The following ZNF385D variants were observed in gnomAD, a reference collection of about 807,000 sequenced individuals.
ZNF385D encodes zinc finger protein 659.
A neutral mutation model predicts 35.8 loss-of-function variants in ZNF385D; 15 were observed. The ratio of observed to expected loss-of-function variants is 0.42; its 90% CI spans 0.28 to 0.64. The LOEUF (loss-of-function observed/expected upper bound fraction) is 0.64, where lower values mean the gene tolerates loss of function less well. ZNF385D is among the 30% of genes least tolerant of loss of function. ZNF385D has a pLI of 0.23. For synonymous variants in ZNF385D, 212 were observed against 186.8 expected (o/e 1.13, Z -1.10); for missense variants, 474 against 494.6 (o/e 0.96, Z 0.39).
chr3:22,237,757 C>T (rs1459414532), intron 2 of ZNF385D, among the ~76,000 whole-genome samples: 1 of 152,140 alleles, frequency 6.6e-6, no homozygotes. Flanking sequence ...GATTCTCCTG[C>T]CTCAGCCTCC....
At chr3:22,262,504 A>G (rs1230296630) in intron 2 of ZNF385D, among the ~76,000 whole-genome samples, 3 of 151,984 alleles carry the variant, frequency 2.0e-5, no homozygotes, top group Non-Finnish European at 1.5e-5. Flanking sequence ...TGCCTTAGGG[A>G]CATGTATTTT....
At chr3:22,192,462 T>C (rs912344698) in intron 2 of ZNF385D, among the ~76,000 whole-genome samples, 4 of 152,038 alleles carry the variant, frequency 2.6e-5, no homozygotes, top group Non-Finnish European at 5.9e-5. Flanking sequence ...ATTGCAAAAA[T>C]GATGGTGTGT....
intron 3 of ZNF385D, among the ~76,000 whole-genome samples, chr3:21,931,575 A>AT (rs1701009060): frequency 6.6e-6 from 1 of 152,200 alleles, no homozygotes; most frequent in Non-Finnish European, 1.5e-5. Context: ...AGAGTGGAAC[A>AT]TGTCTCAGCA....
At chr3:21,682,529 T>G (rs931177441) in intron 1 of ZNF385D, among the ~76,000 whole-genome samples, 2 of 150,284 alleles carry the variant, frequency 1.3e-5, no homozygotes, top group Non-Finnish European at 3.0e-5. Flanking sequence ...TGCAGTCATG[T>G]CTGGAAGAAA....
At chr3:22,167,931 T>C (rs1305578915) in intron 3 of ZNF385D, among the ~76,000 whole-genome samples, 1 of 152,190 alleles carries the variant, frequency 6.6e-6, no homozygotes, top group Non-Finnish European at 1.5e-5. Flanking sequence ...CATAAAGCAA[T>C]GCAGAAGCAA....
At chr3:21,651,616 T>C (rs914955886) in intron 2 of ZNF385D, among the ~76,000 whole-genome samples, 5 of 151,944 alleles carry the variant, frequency 3.3e-5, no homozygotes, top group Non-Finnish European at 7.4e-5. Context: ...GCCATTTATA[T>C]AGCAAGTTAA....
intron 3 of ZNF385D, among the ~76,000 whole-genome samples, chr3:22,119,979 ATTTT>A (rs940657640): frequency 1.5e-5 from 2 of 137,580 alleles, no homozygotes; most frequent in African/African-American, 5.5e-5. Flanking sequence ...AACATACTCA[ATTTT>A]TTTTCTTTTT....
intron 3 of ZNF385D, among the ~76,000 whole-genome samples, chr3:22,088,157 A>T (rs2125596057): frequency 6.6e-6 from 1 of 152,326 alleles, no homozygotes; most frequent in Non-Finnish European, 1.5e-5. Context: ...ATTTTCTCTG[A>T]AGCAGGAGAG....
intron 3 of ZNF385D, among the ~76,000 whole-genome samples, chr3:21,840,216 T>G (rs1388830930): frequency 3.3e-5 from 5 of 152,020 alleles, no homozygotes; most frequent in African/African-American, 7.2e-5. Context: ...AAGTAGTATG[T>G]AAGTATTACA....
At chr3:22,093,221 T>C (rs1701422449) in intron 3 of ZNF385D, among the ~76,000 whole-genome samples, 1 of 152,176 alleles carries the variant, frequency 6.6e-6, no homozygotes, top group South Asian at 2.1e-4. Context: ...CTGACTTTAC[T>C]ATTTTTATAG....
chr3:21,528,553 A>G (rs986447829), intron 3 of ZNF385D, among the ~76,000 whole-genome samples: 1 of 152,306 alleles, frequency 6.6e-6, no homozygotes, highest in South Asian at 2.1e-4. Flanking sequence ...ATATTAAAAC[A>G]ATATGATGGA....
chr3:21,923,694 A>G (rs368757027), intron 3 of ZNF385D, among the ~76,000 whole-genome samples: 1 of 152,158 alleles, frequency 6.6e-6, no homozygotes, highest in Non-Finnish European at 1.5e-5. Context: ...GAACAAAATT[A>G]TGTTCTTTGC....
chr3:21,980,725 A>T (rs1004764715), intron 3 of ZNF385D, among the ~76,000 whole-genome samples: 9 of 151,976 alleles, frequency 5.9e-5, no homozygotes, highest in Non-Finnish European at 1.2e-4. Flanking sequence ...CTTTCTTCCA[A>T]CCTCAACCAG....
rs1183504610 is a variant in ZNF385D at position 21,420,928 on chromosome 3, C to T, written c.*286G>A. 3 of 352,694 alleles carry T rather than the reference C, an allele frequency of 8.5e-6. No homozygotes were observed. The highest frequency in any genetic ancestry group is 4.1e-5 in the African/African-American group (2 of 48,774). 21.8% of individuals were successfully genotyped at this position (352,694 alleles called of 1,614,324 possible). A position where few individuals can be genotyped will look rare whatever the true frequency, so the allele number is the denominator to read the frequency against. ...GGAAATAGGTGCCCAAAAGCACAGT[C>T]ACAGAGGCTTCAGAAGGTCTAGATA... On this transcript the variant is annotated 3_prime_UTR_variant, in exon 8 of 8. Coordinates refer to ENST00000281523, the MANE Select transcript of ZNF385D (RefSeq NM_024697.3).
At chr3:22,265,449 C>T (rs979836772) in intron 2 of ZNF385D, among the ~76,000 whole-genome samples, 16 of 151,938 alleles carry the variant, frequency 1.1e-4, no homozygotes, top group Admixed American at 9.9e-4. Context: ...TAAACATTTA[C>T]AGAGCAGAAA....
chr3:21,755,358 C>G (rs1332905374), upstream of ZNF385D, among the ~76,000 whole-genome samples: 2 of 152,122 alleles, frequency 1.3e-5, no homozygotes, highest in Non-Finnish European at 2.9e-5. Context: ...TTTTATCCAC[C>G]AAGGTCGTTA....
At chr3:22,134,806 G>T (rs919589775) in intron 3 of ZNF385D, among the ~76,000 whole-genome samples, 1 of 152,072 alleles carries the variant, frequency 6.6e-6, no homozygotes, top group Non-Finnish European at 1.5e-5. Context: ...AAGAGAGAGA[G>T]ATAGTGATAA....
chr3:21,707,142 T>A (rs912565640), intron 1 of ZNF385D, among the ~76,000 whole-genome samples: 3 of 152,210 alleles, frequency 2.0e-5, no homozygotes, highest in African/African-American at 7.2e-5. Flanking sequence ...TGAATCACAC[T>A]GCCAGGAGAA....
intron 3 of ZNF385D, among the ~76,000 whole-genome samples, chr3:21,821,926 A>G (rs1308597259): frequency 6.8e-6 from 1 of 148,098 alleles, no homozygotes; most frequent in Non-Finnish European, 1.5e-5. Flanking sequence ...TCATCACGCC[A>G]CTGTACTCCA....
Sources: gnomAD v4.1 joint callset for allele counts (sites outside exome capture counted in the v4.1 genomes callset) on GRCh38, gnomAD v4.1.1 for gene constraint, MANE v1.5 for transcripts, NCBI Gene and HGNC (gene_info 2026-07-23, HGNC 2026-07-21) for gene names.